Variants in FAT3 observed in about 807,000 individuals in gnomAD.
FAT3 encodes protocadherin Fat 3.
A neutral mutation model predicts 310.2 loss-of-function variants in FAT3; 95 were observed. The ratio of observed to expected loss-of-function variants is 0.31; its 90% CI spans 0.26 to 0.36. The LOEUF (loss-of-function observed/expected upper bound fraction) is 0.36. FAT3 is among the 10% of genes least tolerant of loss of function. FAT3 has a pLI of 1.00. For synonymous variants in FAT3, 2,314 were observed against 2,192.9 expected (o/e 1.06, Z -1.54); for missense variants, 5,408 against 5,715.6 (o/e 0.95, Z 1.74).
chr11:92,504,670 A>G (rs1213341850), intron 2 of FAT3, among the ~76,000 whole-genome samples: 1 of 152,076 alleles, frequency 6.6e-6, no homozygotes, highest in African/African-American at 2.4e-5. Flanking sequence ...GATTTCCCCA[A>G]CAAGATTTAC....
chr11:92,605,725 T>TTG (rs1245869345), intron 3 of FAT3, among the ~76,000 whole-genome samples: 3 of 148,252 alleles, frequency 2.0e-5, no homozygotes, highest in Middle Eastern at 3.4e-3. Flanking sequence ...CTATGTTTTT[T>TTG]TTTTTTTTTT....
intron 3 of FAT3, among the ~76,000 whole-genome samples, chr11:92,632,396 T>TGAGAGGCAAAATGGCC (rs1186130514): frequency 1.3e-5 from 2 of 152,130 alleles, no homozygotes; most frequent in Non-Finnish European, 2.9e-5. Flanking sequence ...AAGGCACTAA[T>TGAGAGGCAAAATGGCC]GAGAGGCAAA....
chr11:92,630,783 G>A (rs532753902), intron 3 of FAT3, among the ~76,000 whole-genome samples: 1 of 152,142 alleles, frequency 6.6e-6, no homozygotes, highest in South Asian at 2.1e-4. Flanking sequence ...CAGGTATATA[G>A]CAGTAATTTA....
At chr11:92,546,754 G>A (rs2135425517) in intron 3 of FAT3, among the ~76,000 whole-genome samples, 1 of 152,262 alleles carries the variant, frequency 6.6e-6, no homozygotes, top group African/African-American at 2.4e-5. Context: ...GGCTACCAGT[G>A]AGAACAATCA....
chr11:92,366,640 A>T, intron 2 of FAT3: 1 of 534,410 alleles, frequency 1.9e-6, no homozygotes, highest in Non-Finnish European at 3.8e-6. Flanking sequence ...CAGCTCCATG[A>T]TAGCCTCTTC....
chr11:92,357,426 T>C (rs138324039), intron 2 of FAT3, among the ~76,000 whole-genome samples: 233 of 152,334 alleles, frequency 1.5e-3, no homozygotes, highest in African/African-American at 5.1e-3. Flanking sequence ...AAATTTGGTG[T>C]TGAGCTAAAA....
At chr11:92,266,240 A>C (rs1945944105) in intron 1 of FAT3, among the ~76,000 whole-genome samples, 1 of 152,138 alleles carries the variant, frequency 6.6e-6, no homozygotes, top group African/African-American at 2.4e-5. Flanking sequence ...TGAGCCATTC[A>C]TATGGTTTAT....
At chr11:92,511,516 A>G (rs1953289503) in intron 2 of FAT3, among the ~76,000 whole-genome samples, 1 of 152,162 alleles carries the variant, frequency 6.6e-6, no homozygotes, top group South Asian at 2.1e-4. Context: ...AGTGTTCCAA[A>G]TTTCTAGCCA....
At chr11:92,646,573 A>C (rs1044882381) in intron 3 of FAT3, among the ~76,000 whole-genome samples, 9 of 152,196 alleles carry the variant, frequency 5.9e-5, no homozygotes, top group Non-Finnish European at 1.2e-4. Flanking sequence ...CAACTCTAAA[A>C]CAATGTTTAA....
intron 6 of FAT3, among the ~76,000 whole-genome samples, chr11:92,767,594 G>A (rs1185730913): frequency 6.6e-6 from 1 of 152,118 alleles, no homozygotes; most frequent in Admixed American, 6.6e-5. Context: ...AGTTATCCAG[G>A]TCAGGCTTGC....
intron 22 of FAT3, among the ~76,000 whole-genome samples, chr11:92,868,302 A>G (rs964637769): frequency 3.9e-5 from 6 of 152,220 alleles, no homozygotes; most frequent in Non-Finnish European, 5.9e-5. Flanking sequence ...CAGACACCAA[A>G]GTTGTTTAGA....
chr11:92,786,595 T>C (rs1002002278), intron 7 of FAT3, among the ~76,000 whole-genome samples: 7 of 152,162 alleles, frequency 4.6e-5, no homozygotes, highest in African/African-American at 1.7e-4. Context: ...CTAGAAGTCT[T>C]ACTACATATT....
At chr11:92,507,714 T>C (rs1428947897) in intron 2 of FAT3, among the ~76,000 whole-genome samples, 1 of 151,862 alleles carries the variant, frequency 6.6e-6, no homozygotes, top group Non-Finnish European at 1.5e-5. Context: ...ATATACAACA[T>C]ATACATGTAT....
At chr11:92,444,201 G>A (rs1236507303) in intron 2 of FAT3, among the ~76,000 whole-genome samples, 1 of 152,016 alleles carries the variant, frequency 6.6e-6, no homozygotes, top group East Asian at 1.9e-4. Flanking sequence ...CTCATCTGTT[G>A]TTTTCAAAGG....
intron 1 of FAT3, among the ~76,000 whole-genome samples, chr11:92,328,702 G>A (rs541519034): frequency 2.0e-5 from 3 of 152,280 alleles, no homozygotes; most frequent in East Asian, 1.9e-4. Context: ...GAAGTTGACT[G>A]CTAAGTTAGA....
At chr11:92,608,281 A>C (rs1940397533) in intron 3 of FAT3, among the ~76,000 whole-genome samples, 1 of 152,180 alleles carries the variant, frequency 6.6e-6, no homozygotes. Context: ...AGGCAATATT[A>C]CACACATGAG....
intron 2 of FAT3, among the ~76,000 whole-genome samples, chr11:92,364,932 T>C (rs1483404600): frequency 2.6e-5 from 4 of 152,168 alleles, no homozygotes; most frequent in African/African-American, 9.7e-5. Flanking sequence ...GAATATGAAA[T>C]GTCTTGAACT....
At chr11:92,763,996 T>C (rs555216634) in intron 5 of FAT3, among the ~76,000 whole-genome samples, 83 of 152,308 alleles carry the variant, frequency 5.4e-4, no homozygotes, top group African/African-American at 1.9e-3. Flanking sequence ...ATAAATGTTA[T>C]TTTTTAAATG....
At chr11:92,756,861 T>C (rs564765345) in intron 4 of FAT3, among the ~76,000 whole-genome samples, 1 of 151,856 alleles carries the variant, frequency 6.6e-6, no homozygotes, top group East Asian at 1.9e-4. Flanking sequence ...TTTGTAATTG[T>C]CCTGCCTCCT....
Sources: allele counts gnomAD v4.1 joint callset (sites outside exome capture counted in the v4.1 genomes callset), GRCh38; gene constraint gnomAD v4.1.1; transcripts MANE v1.5; gene names NCBI Gene and HGNC (gene_info 2026-07-23, HGNC 2026-07-21).